The following ZSCAN5A variants were observed in gnomAD, a reference collection of about 807,000 sequenced individuals.
The protein encoded by ZSCAN5A is zinc finger and SCAN domain-containing protein 5A.
ZSCAN5A carries 12 observed loss-of-function variants against 23.7 expected under a neutral mutation model. The ratio of observed to expected loss-of-function variants is 0.51; its 90% CI spans 0.32 to 0.82. ZSCAN5A has a LOEUF of 0.82. Among genes scored for constraint, ZSCAN5A ranks in the 40% least tolerant of loss-of-function variants. ZSCAN5A has a pLI of 0.03. For missense variants in ZSCAN5A, 597 were observed against 617.9 expected (o/e 0.97, Z 0.36); for synonymous variants, 257 against 239.9 (o/e 1.07, Z -0.66).
intron 2 of ZSCAN5A, among the ~76,000 whole-genome samples, chr19:56,231,552 G>C (rs2034464431): frequency 6.6e-6 from 1 of 152,086 alleles, no homozygotes; most frequent in South Asian, 2.1e-4. Context: ...TCACGTAAAG[G>C]TGGCTCCAGC....
intron 2 of ZSCAN5A, among the ~76,000 whole-genome samples, chr19:56,349,255 C>CCCTA (rs2041652466): frequency 6.6e-6 from 1 of 152,102 alleles, no homozygotes; most frequent in African/African-American, 2.4e-5. Context: ...CTAGGAAGGG[C>CCCTA]CCTACACTGT....
chr19:56,324,140 A>G lies in ZSCAN5A; in HGVS notation c.-357-7872T>C, dbSNP rs141840492. Among the ~76,000 whole-genome samples, 236 of 152,138 alleles carry G rather than the reference A, an allele frequency of 1.6e-3. 2 individuals are homozygous for G. In the East Asian group the frequency reaches 0.032, roughly 20 times the overall value. On this transcript the variant is annotated intron_variant, in intron 2 of 6. Coordinates refer to the ZSCAN5A transcript ENST00000587340. ...ACCTCTCTCCTTTCCCCCTCTATTCATAGCCTCCGGTAACCACCAATCAAC... is the reference window on the plus strand; with the variant it reads ...ACCTCTCTCCTTTCCCCCTCTATTCGTAGCCTCCGGTAACCACCAATCAAC...
At chr19:56,267,592 G>A (rs1048034721) in intron 2 of ZSCAN5A, among the ~76,000 whole-genome samples, 7 of 152,192 alleles carry the variant, frequency 4.6e-5, no homozygotes, top group African/African-American at 9.7e-5. Context: ...TGGGTAGCAC[G>A]GATACAGGAC....
In ZSCAN5A at chr19:56,222,328, T is replaced by C; in HGVS notation, c.740-2A>G. On this transcript the variant is annotated splice_acceptor_variant, in intron 5 of 5. Coordinates refer to ENST00000683990, the MANE Select transcript of ZSCAN5A (RefSeq NM_001322064.3). LOFTEE classifies it high-confidence loss of function. ...CCTCCTTTGCTCTCACCAGATCTGC[T>C]GGAAGAAGGGATTCCACACACACAG... The C allele has an allele frequency of 6.2e-7, 1 of 1,610,080 alleles. No homozygotes were observed. Among genetic ancestry groups the C allele is most frequent in the African/African-American group, 1.3e-5 (1 of 74,946 alleles).
At chr19:56,264,215 C>T (rs979842608) in intron 2 of ZSCAN5A, among the ~76,000 whole-genome samples, 7 of 152,046 alleles carry the variant, frequency 4.6e-5, no homozygotes, top group South Asian at 2.1e-4. Flanking sequence ...AGGCTGGTCT[C>T]GAACTCCTGA....
At chr19:56,264,327 A>G (rs911929820) in intron 2 of ZSCAN5A, among the ~76,000 whole-genome samples, 4 of 152,130 alleles carry the variant, frequency 2.6e-5, no homozygotes, top group Admixed American at 6.6e-5. Flanking sequence ...TCTCAGGGTA[A>G]GGGAGTAGCA....
chr19:56,345,795 T>A (rs1600296656), intron 2 of ZSCAN5A, among the ~76,000 whole-genome samples: 1 of 152,288 alleles, frequency 6.6e-6, no homozygotes. Context: ...AGAAAAAAAA[T>A]TTTGTAAACA....
At chr19:56,251,520 G>A (rs993644893) in intron 2 of ZSCAN5A, among the ~76,000 whole-genome samples, 2 of 151,890 alleles carry the variant, frequency 1.3e-5, no homozygotes, top group African/African-American at 2.4e-5. Context: ...GCTGGCACAC[G>A]ATGGCCTGCT....
chr19:56,339,419 A>G (rs978208422), intron 2 of ZSCAN5A, among the ~76,000 whole-genome samples: 2 of 1,750 alleles, frequency 1.1e-3, no homozygotes, highest in African/African-American at 2.7e-3. Flanking sequence ...CGCATTTAGC[A>G]ATATGTGAAG....
chr19:56,310,789 C>T (rs2040990618), intron 2 of ZSCAN5A, among the ~76,000 whole-genome samples: 1 of 152,216 alleles, frequency 6.6e-6, no homozygotes, highest in Non-Finnish European at 1.5e-5. Context: ...GGAGGAGGTT[C>T]CTTGTCCTGG....
chr19:56,266,515 T>G (rs1245325869), intron 2 of ZSCAN5A: 1 of 140,844 alleles, frequency 7.1e-6, no homozygotes, highest in Non-Finnish European at 1.5e-5. Context: ...TTTTTTTTTT[T>G]GAGATGGAGT....
chr19:56,251,127 G>A (rs1449603556), intron 2 of ZSCAN5A, among the ~76,000 whole-genome samples: 1 of 146,276 alleles, frequency 6.8e-6, no homozygotes, highest in East Asian at 2.0e-4. Context: ...TCCAGCCTGG[G>A]CAACAGAGCT....
At chr19:56,285,490 G>A (rs775582132) in intron 2 of ZSCAN5A, among the ~76,000 whole-genome samples, 2 of 152,128 alleles carry the variant, frequency 1.3e-5, no homozygotes, top group South Asian at 2.1e-4. Context: ...GAAATGCTTC[G>A]TGTGTACTCC....
intron 2 of ZSCAN5A, among the ~76,000 whole-genome samples, chr19:56,274,324 G>A (rs1226167029): frequency 6.6e-6 from 1 of 151,980 alleles, no homozygotes; most frequent in Non-Finnish European, 1.5e-5. Context: ...CATGGTAGTA[G>A]GGGCCTGTAA....
chr19:56,269,122 C>T (rs2037667292), intron 2 of ZSCAN5A, among the ~76,000 whole-genome samples: 3 of 152,072 alleles, frequency 2.0e-5, no homozygotes, highest in South Asian at 2.1e-4. Context: ...ACCTGTTTTC[C>T]GTGCTTTCGG....
intron 2 of ZSCAN5A, among the ~76,000 whole-genome samples, chr19:56,227,963 C>A (rs1390402641): frequency 6.6e-6 from 1 of 151,882 alleles, no homozygotes; most frequent in Middle Eastern, 3.2e-3. Context: ...GAGGCGGAGG[C>A]GGGCGGATCG....
chr19:56,326,905 C>A (rs1324698909), intron 2 of ZSCAN5A, among the ~76,000 whole-genome samples: 2 of 152,146 alleles, frequency 1.3e-5, no homozygotes, highest in Non-Finnish European at 2.9e-5. Context: ...GAAAGACACT[C>A]CTTACACTTT....
intron 2 of ZSCAN5A, chr19:56,343,252 T>A: frequency 1.2e-6 from 1 of 836,866 alleles, no homozygotes; most frequent in Non-Finnish European, 1.9e-6. Context: ...GGCAACCCCC[T>A]TCAGTATTCC....
At chr19:56,324,573 G>C (rs1250223849) in intron 2 of ZSCAN5A, among the ~76,000 whole-genome samples, 1 of 151,634 alleles carries the variant, frequency 6.6e-6, no homozygotes, top group African/African-American at 2.4e-5. Context: ...GGAAAACTGT[G>C]GTGGTTCATC....
Sources: gnomAD v4.1 joint callset for allele counts (sites outside exome capture counted in the v4.1 genomes callset) on GRCh38, gnomAD v4.1.1 for gene constraint, MANE v1.5 for transcripts, NCBI Gene and HGNC (gene_info 2026-07-23, HGNC 2026-07-21) for gene names.